Variants in ADAM18 observed in about 807,000 individuals in gnomAD.
ADAM18 encodes the protein ADAM metallopeptidase domain 18, also known as disintegrin and metalloproteinase domain-containing protein 18.
In ADAM18, 117 loss-of-function variants were observed where a neutral mutation model predicts 94.4. That is an observed-to-expected ratio of 1.24 (90% CI 1.07 to 1.45). The LOEUF is 1.45. ADAM18 is among the 40% of genes most tolerant of loss of function. The probability of loss-of-function intolerance (pLI) is 0.00; values close to 1 mark genes in which losing one functional copy is unlikely to be tolerated. For synonymous variants in ADAM18, 327 were observed against 291.6 expected (o/e 1.12, Z -1.24); for missense variants, 936 against 880.0 (o/e 1.06, Z -0.81).
chr8:39,596,063 A>ATATT (rs1367638308), intron 2 of ADAM18, among the ~76,000 whole-genome samples: 4 of 152,128 alleles, frequency 2.6e-5, no homozygotes, highest in Non-Finnish European at 5.9e-5. Context: ...TTTTAGAGCA[A>ATATT]TATTAGGTTC....
intron 13 of ADAM18, among the ~76,000 whole-genome samples, chr8:39,665,883 A>G (rs541328616): frequency 6.6e-6 from 1 of 152,324 alleles, no homozygotes; most frequent in South Asian, 2.1e-4. Flanking sequence ...TAAATAAAAG[A>G]AGAAAAAAAA....
chr8:39,596,389 A>G (rs1301310357), intron 2 of ADAM18, among the ~76,000 whole-genome samples: 1 of 152,150 alleles, frequency 6.6e-6, no homozygotes, highest in East Asian at 1.9e-4. Context: ...CAGTCTCTAT[A>G]GTTTGGCCTT....
At chr8:39,611,444 C>A (rs1392036650) in intron 6 of ADAM18, 1 of 984,506 alleles carries the variant, frequency 1.0e-6, no homozygotes, top group African/African-American at 1.8e-5. Context: ...TCCCATGAAG[C>A]TATGAAACCA....
At chr8:39,669,413 A>C (rs1203651009) in intron 14 of ADAM18, among the ~76,000 whole-genome samples, 1 of 150,616 alleles carries the variant, frequency 6.6e-6, no homozygotes, top group African/African-American at 2.4e-5. Context: ...TGCTGCACCC[A>C]GTAACTCGTC....
At chr8:39,669,250 T>C (rs1157979694) in intron 14 of ADAM18, among the ~76,000 whole-genome samples, 1 of 151,446 alleles carries the variant, frequency 6.6e-6, no homozygotes, top group East Asian at 1.9e-4. Flanking sequence ...ACTTGACACA[T>C]GACATCTTTT....
chr8:39,612,694 A>G (rs756488079), intron 6 of ADAM18, among the ~76,000 whole-genome samples: 16 of 152,036 alleles, frequency 1.1e-4, no homozygotes, highest in Admixed American at 9.2e-4. Flanking sequence ...TGATTTGAGC[A>G]CCCTACTGTC....
chr8:39,594,040 G>T (rs925357247), intron 2 of ADAM18, among the ~76,000 whole-genome samples: 11 of 151,796 alleles, frequency 7.2e-5, no homozygotes, highest in Admixed American at 7.2e-4. Flanking sequence ...TTTTTGTTTT[G>T]CTTTTAATTT....
At chr8:39,722,809 G>A (rs1286403845) in intron 18 of ADAM18, among the ~76,000 whole-genome samples, 1 of 151,636 alleles carries the variant, frequency 6.6e-6, no homozygotes, top group Non-Finnish European at 1.5e-5. Flanking sequence ...GAAAGACAGT[G>A]TCTGGTAAAC....
At chr8:39,606,205 A>G in intron 2 of ADAM18, 102 bp from the exon 3 acceptor site, 2 of 653,938 alleles carry the variant, frequency 3.1e-6, no homozygotes, top group Non-Finnish European at 5.2e-6. Flanking sequence ...GATTATGTTC[A>G]TTTTTAATAG....
intron 12 of ADAM18, among the ~76,000 whole-genome samples, chr8:39,659,453 C>T (rs907086759): frequency 6.6e-6 from 1 of 150,928 alleles, no homozygotes; most frequent in African/African-American, 2.4e-5. Context: ...AAACATTGAA[C>T]AGTATATAAG....
At chr8:39,689,387 A>G (rs574498097) in intron 16 of ADAM18, among the ~76,000 whole-genome samples, 59 of 152,312 alleles carry the variant, frequency 3.9e-4, no homozygotes, top group Non-Finnish European at 7.9e-4. Flanking sequence ...GTAAGGAAGC[A>G]GTCCAGTTTC....
chr8:39,617,362 G>A (rs867188362), intron 6 of ADAM18, among the ~76,000 whole-genome samples: 37 of 152,134 alleles, frequency 2.4e-4, no homozygotes, highest in African/African-American at 8.4e-4. Flanking sequence ...ACGAGGCTGT[G>A]GAGAAAAGGG....
In ADAM18 at chr8:39,590,610, AT is replaced by A. The variant is rs1219252551; in HGVS notation, c.132+5259del. ...TAAAAAATAAAATAAAATAAAAAAA[AT>A]AAAATGAATGCTATCATTCCTTTTG... On this transcript the variant is annotated intron_variant, in intron 2 of 19. Transcript: ENST00000265707. 7.9e-5 allele frequency among the ~76,000 whole-genome samples: 12 copies of A among 152,368 alleles called. No homozygotes were observed. The South Asian group carries it at 1.0e-3, about 13-fold the overall frequency.
intron 17 of ADAM18, among the ~76,000 whole-genome samples, chr8:39,703,004 C>A (rs2129581210): frequency 6.6e-6 from 1 of 152,206 alleles, no homozygotes; most frequent in South Asian, 2.1e-4. Flanking sequence ...AAATAGTTTT[C>A]TCTAGTTCTG....
chr8:39,684,276 T>TTTTATTTA (rs536278073), intron 16 of ADAM18, among the ~76,000 whole-genome samples: 35 of 152,102 alleles, frequency 2.3e-4, no homozygotes, highest in African/African-American at 7.5e-4. Context: ...TTTCCCAATC[T>TTTTATTTA]TTTATTTATT....
At chr8:39,589,419 T>G (rs915188448) in intron 2 of ADAM18, among the ~76,000 whole-genome samples, 2 of 152,190 alleles carry the variant, frequency 1.3e-5, no homozygotes, top group African/African-American at 2.4e-5. Context: ...GAACCATCTA[T>G]GCAGAGTATC....
intron 12 of ADAM18, among the ~76,000 whole-genome samples, chr8:39,652,428 A>G (rs1820563078): frequency 6.6e-6 from 1 of 152,226 alleles, no homozygotes; most frequent in South Asian, 2.1e-4. Context: ...AATGGACAAC[A>G]GGTATATGAA....
At chr8:39,636,017 T>TTTTTTTTTTTTTTTTTTTTTTTG (rs1820066130) in intron 7 of ADAM18, among the ~76,000 whole-genome samples, 1 of 150,322 alleles carries the variant, frequency 6.7e-6, no homozygotes, top group South Asian at 2.1e-4. Flanking sequence ...TTGTTTTTTT[T>TTTTTTTTTTTTTTTTTTTTTTTG]TTTTTGAGAG....
intron 15 of ADAM18, among the ~76,000 whole-genome samples, chr8:39,679,284 G>A (rs957680198): frequency 6.6e-6 from 1 of 152,118 alleles, no homozygotes; most frequent in African/African-American, 2.4e-5. Flanking sequence ...GGCTAAAAAT[G>A]ATTATTCTCA....
Sources: allele counts gnomAD v4.1 joint callset (sites outside exome capture counted in the v4.1 genomes callset), GRCh38; gene constraint gnomAD v4.1.1; transcripts MANE v1.5; gene names NCBI Gene and HGNC (gene_info 2026-07-23, HGNC 2026-07-21).